PREP: variants seen among roughly 807,000 people sequenced by gnomAD.
The protein encoded by PREP is prolyl endopeptidase.
PREP carries 29 observed loss-of-function variants against 87.6 expected under a neutral mutation model. The observed-to-expected ratio is 0.33, with a 90% CI of 0.25 to 0.45. PREP has a LOEUF of 0.45. PREP is among the 20% of genes least tolerant of loss of function. The probability of loss-of-function intolerance (pLI) is 1.00; values close to 1 mark genes in which losing one functional copy is unlikely to be tolerated. For missense variants in PREP, 695 were observed against 886.5 expected (o/e 0.78, Z 2.74); for synonymous variants, 337 against 328.6 (o/e 1.03, Z -0.28).
intron 10 of PREP, among the ~76,000 whole-genome samples, chr6:105,296,738 G>A (rs977981255): frequency 7.2e-5 from 11 of 152,100 alleles, no homozygotes; most frequent in Non-Finnish European, 1.5e-5. Flanking sequence ...CTTCCTGGGT[G>A]GAGTATTTCT....
intron 13 of PREP, 86 bp from the exon 14 acceptor site, chr6:105,281,988 C>T (rs1479586487): frequency 6.8e-7 from 1 of 1,464,780 alleles, no homozygotes; most frequent in Non-Finnish European, 9.2e-7. Context: ...TACTTACATG[C>T]TTCCAGAGCC....
At chr6:105,391,368 T>C (rs533546215) in intron 2 of PREP, among the ~76,000 whole-genome samples, 1 of 152,266 alleles carries the variant, frequency 6.6e-6, no homozygotes, top group South Asian at 2.1e-4. Flanking sequence ...GGTGATGGAA[T>C]GAGACTGTCT....
intron 2 of PREP, among the ~76,000 whole-genome samples, chr6:105,391,831 C>A (rs917640559): frequency 6.6e-6 from 1 of 152,118 alleles, no homozygotes; most frequent in Non-Finnish European, 1.5e-5. Context: ...CCAGGGGAAA[C>A]AAGTACACAT....
Position 105,278,210 on chromosome 6 carries a change from C to T in PREP, c.2067G>A (p.Val689=). The T allele has an allele frequency of 6.2e-7, 1 of 1,614,232 alleles. No homozygotes were observed. Among genetic ancestry groups the T allele is most frequent in the Non-Finnish European group, 8.5e-7 (1 of 1,180,046 alleles). ...CAAACATGTCTGAGACTTCCTCTAT[C>T]ACTTTGGCTGTGGGCTTCCCCGCCC... The part of the protein sequence containing the change: ...GHGAGKPTAK[V]IEEVSDMFAF... Residue 689 remains valine, a synonymous_variant, in exon 15 of 15, where the codon GTG becomes GTA. Coordinates refer to ENST00000652536, the MANE Select transcript of PREP (RefSeq NM_002726.5). This position sits in a 1 kb window ranked among gnomAD's most constrained non-coding sequence, Gnocchi z 4.2.
Position 105,333,490 on chromosome 6 carries a change from A to C in PREP, c.839T>G (p.Val280Gly). 3 of 1,614,120 alleles carry C rather than the reference A, an allele frequency of 1.9e-6. No homozygotes were observed. The highest frequency in any genetic ancestry group is 2.5e-6 in the Non-Finnish European group (3 of 1,179,988). Residue 280 changes from valine to glycine, a missense_variant, in exon 8 of 15, where the codon GTA becomes GGA. By Grantham distance (109) the Val-to-Gly change is moderately radical. Around this residue, in one of 5 missense-constraint regions of PREP, gnomAD observed 517 missense variants for 620.3 expected, o/e 0.83. Coordinates refer to ENST00000652536, the MANE Select transcript of PREP (RefSeq NM_002726.5). ...SSGIAGILKW[V>G]KLIDNFEGEY... ...CCCTTCAAAGTTGTCAATCAGTTTT[A>C]CCCACTTCAGGATTCCTGGCAAGAG...
chr6:105,287,669 CT>C (rs1444284338), intron 11 of PREP, among the ~76,000 whole-genome samples: 1 of 152,162 alleles, frequency 6.6e-6, no homozygotes, highest in African/African-American at 2.4e-5. Flanking sequence ...AATTTATGTC[CT>C]GGTAGTCACC....
chr6:105,391,148 CCTCAA>C (rs386704529), intron 2 of PREP, among the ~76,000 whole-genome samples: 63,790 of 150,372 alleles, frequency 0.42, 16,862 homozygotes, highest in African/African-American at 0.75. Flanking sequence ...AGGGCTGAGG[CCTCAA>C]GTGGATCACT....
Position 105,381,220 on chromosome 6 carries a change from C to T in PREP, c.121-3701G>A, listed in dbSNP as rs569998886. On this transcript the variant is annotated intron_variant, in intron 2 of 14. Coordinates refer to ENST00000652536, the MANE Select transcript of PREP (RefSeq NM_002726.5). ...CCAGAGTGTCCAAATTCCTAAAAGT[C>T]TCAAGTTTTTTCATAACACACATCT... is the stretch of plus-strand genomic sequence containing the variant. 7.7e-4 allele frequency among the ~76,000 whole-genome samples: 117 copies of T among 152,322 alleles called. 2 individuals carry two copies. The South Asian group carries it at 0.024, about 31-fold the overall frequency.
Position 105,328,891 on chromosome 6 carries a change from C to G in PREP, c.1151G>C (p.Gly384Ala). Residue 384 changes from glycine to alanine, a missense_variant, in exon 9 of 15, where the codon GGG (glycine) becomes GCG (alanine). By Grantham distance (60) the Gly-to-Ala change is moderately conservative. Around this residue, in one of 5 missense-constraint regions of PREP, gnomAD observed 517 missense variants for 620.3 expected, o/e 0.83. Transcript: ENST00000652536. The stretch of plus-strand genomic sequence containing the variant: ...AGTGTCCTTCTTCTGACCGCTGTAC[C>G]CTACAATGCTGCCGACATCGAGCGG... The part of the protein sequence containing the change: ...TFPLDVGSIV[G>A]YSGQKKDTEI... 7 of 1,614,038 alleles carry G rather than the reference C, an allele frequency of 4.3e-6. No homozygotes were observed. Among genetic ancestry groups the G allele is most frequent in the Non-Finnish European group, 5.9e-6 (7 of 1,180,020 alleles).
At chr6:105,281,637 G>A (rs1032685918) in intron 14 of PREP, 109 bp downstream of exon 14, 3 of 1,338,730 alleles carry the variant, frequency 2.2e-6, no homozygotes, top group South Asian at 3.0e-5. Context: ...CAGATTATAT[G>A]CAAATGCAAG....
chr6:105,306,611 C>T (rs953760774), intron 10 of PREP, among the ~76,000 whole-genome samples: 1 of 152,198 alleles, frequency 6.6e-6, no homozygotes, highest in South Asian at 2.1e-4. Flanking sequence ...AAACTCTTCT[C>T]CTCTGGCTTC....
chr6:105,356,608 G>A (rs904766771), intron 6 of PREP, among the ~76,000 whole-genome samples: 2 of 152,128 alleles, frequency 1.3e-5, no homozygotes, highest in Non-Finnish European at 2.9e-5. Context: ...GTGAGACTAC[G>A]ATACTCTGAG....
intron 7 of PREP, among the ~76,000 whole-genome samples, chr6:105,338,704 C>G (rs1246837013): frequency 6.6e-6 from 1 of 152,202 alleles, no homozygotes; most frequent in African/African-American, 2.4e-5. Flanking sequence ...CTGCACTTTT[C>G]CAACGGTCTT....
intron 6 of PREP, among the ~76,000 whole-genome samples, chr6:105,355,499 AT>A (rs1772074382): frequency 6.6e-6 from 1 of 152,114 alleles, no homozygotes; most frequent in African/African-American, 2.4e-5. Flanking sequence ...TATATGCAAT[AT>A]GTGTTTTCTC....
At chr6:105,321,379 G>A (rs555370726) in intron 10 of PREP, among the ~76,000 whole-genome samples, 1 of 152,308 alleles carries the variant, frequency 6.6e-6, no homozygotes, top group Non-Finnish European at 1.5e-5. Context: ...GAAGTGGAGA[G>A]CCAGGTACAG....
rs141753924 is a variant in PREP, at chr6:105,281,811, G to A, written c.1773C>T (p.Ile591=). The stretch of plus-strand genomic sequence containing the variant: ...CATAATCAGTGGTCCAAGCATGGCC[G>A]ATGGTATATTTATGAAACTTCAGCA... ...MDMLKFHKYT[I]GHAWTTDYGC... Residue 591 remains isoleucine (I), a synonymous_variant, in exon 14 of 15, where the codon ATC becomes ATT. Transcript: ENST00000652536. 1.0e-4 allele frequency: 166 copies of A among 1,614,050 alleles called. No homozygotes were observed. The highest frequency in any genetic ancestry group is 1.3e-4 in the Non-Finnish European group (150 of 1,180,050).
intron 2 of PREP, among the ~76,000 whole-genome samples, chr6:105,383,832 C>T (rs893405929): frequency 6.6e-6 from 1 of 152,154 alleles, no homozygotes; most frequent in Non-Finnish European, 1.5e-5. Context: ...AGGCTCCATT[C>T]TTTGGTGTAT....
intron 10 of PREP, among the ~76,000 whole-genome samples, chr6:105,297,378 C>T (rs1770431875): frequency 6.6e-6 from 1 of 152,146 alleles, no homozygotes; most frequent in Non-Finnish European, 1.5e-5. Context: ...TATAAAATGT[C>T]ATTTATACAT....
chr6:105,398,367 A>C (rs950058902), intron 1 of PREP, among the ~76,000 whole-genome samples: 1 of 152,242 alleles, frequency 6.6e-6, no homozygotes, highest in Non-Finnish European at 1.5e-5. Context: ...CAATGATTAG[A>C]AAATCTCCCT....
Sources: allele counts gnomAD v4.1 joint callset (sites outside exome capture counted in the v4.1 genomes callset), GRCh38; gene constraint gnomAD v4.1.1; regional missense constraint gnomAD v4.1.1; non-coding constraint Gnocchi (gnomAD v3.1); transcripts MANE v1.5; gene names NCBI Gene and HGNC (gene_info 2026-07-23, HGNC 2026-07-21).